NTN1: variants seen among roughly 807,000 people sequenced by gnomAD.
NTN1 encodes netrin-1.
In NTN1, 11 loss-of-function variants were observed where a neutral mutation model predicts 54.2. The ratio of observed to expected loss-of-function variants is 0.20; its 90% CI spans 0.13 to 0.34. The LOEUF is 0.34. Among genes scored for constraint, NTN1 ranks in the 10% least tolerant of loss-of-function variants. NTN1 has a pLI of 1.00. For synonymous variants in NTN1, 371 were observed against 382.0 expected, an observed-to-expected ratio of 0.97 and a Z score of 0.33; for missense variants, 740 against 893.1, an observed-to-expected ratio of 0.83 and a Z score of 2.18.
intron 2 of NTN1, among the ~76,000 whole-genome samples, chr17:9,156,621 G>A (rs936593499): frequency 1.3e-5 from 2 of 152,212 alleles, no homozygotes; most frequent in African/African-American, 4.8e-5. Context: ...CAAAAACAAT[G>A]GATGCAGATT....
At chr17:9,018,816 T>C (rs188967306), upstream of NTN1, among the ~76,000 whole-genome samples, 431 of 152,252 alleles carry the variant, frequency 2.8e-3, 10 homozygotes, top group Non-Finnish European at 6.0e-4. Context: ...TGCGATGCCA[T>C]CAGCTTACAT....
At chr17:9,078,118 C>T (rs1329017409) in intron 2 of NTN1, among the ~76,000 whole-genome samples, 3 of 152,180 alleles carry the variant, frequency 2.0e-5, no homozygotes, top group Admixed American at 6.5e-5. Context: ...CTAAGATTTA[C>T]TGAGCCTTGT....
intron 2 of NTN1, among the ~76,000 whole-genome samples, chr17:9,104,164 A>C (rs1488470373): frequency 6.6e-6 from 1 of 151,080 alleles, no homozygotes; most frequent in East Asian, 1.9e-4. Flanking sequence ...AGTCCAGTTC[A>C]TACAGACAGA....
chr17:9,183,599 C>T (rs1399147767), intron 5 of NTN1: 11 of 268,848 alleles, frequency 4.1e-5, no homozygotes, highest in South Asian at 1.5e-4. Context: ...CTTCTCAAAA[C>T]GACAGAAGTT....
chr17:9,225,937 C>T (rs1004802788), intron 6 of NTN1, among the ~76,000 whole-genome samples: 13 of 152,226 alleles, frequency 8.5e-5, no homozygotes, highest in Non-Finnish European at 1.6e-4. Context: ...CTCCAGGCCT[C>T]GCAGACCTTG....
chr17:9,066,404 G>A (rs375005431), intron 2 of NTN1, among the ~76,000 whole-genome samples: 33 of 151,982 alleles, frequency 2.2e-4, no homozygotes, highest in Non-Finnish European at 3.4e-4. Context: ...TGAGGTGGGC[G>A]GATCACAAGG....
At chr17:9,108,320 A>G (rs547634199) in intron 2 of NTN1, among the ~76,000 whole-genome samples, 4 of 152,254 alleles carry the variant, frequency 2.6e-5, no homozygotes, top group African/African-American at 9.6e-5. Flanking sequence ...CCACAGAACC[A>G]TAGCTCTGGC....
intron 6 of NTN1, among the ~76,000 whole-genome samples, chr17:9,237,891 C>T (rs907428578): frequency 6.6e-6 from 1 of 152,122 alleles, no homozygotes; most frequent in Admixed American, 6.5e-5. Context: ...CCCTTGGTGA[C>T]AAAAACATGG....
At chr17:9,028,388 T>A (rs2091878106) in intron 2 of NTN1, among the ~76,000 whole-genome samples, 1 of 152,074 alleles carries the variant, frequency 6.6e-6, no homozygotes, top group South Asian at 2.1e-4. Flanking sequence ...TAGCACCTGG[T>A]GATCAGGAAC....
intron 5 of NTN1, among the ~76,000 whole-genome samples, chr17:9,215,023 T>C (rs1008657832): frequency 6.6e-5 from 10 of 152,168 alleles, no homozygotes; most frequent in African/African-American, 2.2e-4. Context: ...ACCTATAATT[T>C]ATATCGTTTT....
chr17:9,040,176 A>T (rs1348640047), intron 2 of NTN1, among the ~76,000 whole-genome samples: 2 of 152,196 alleles, frequency 1.3e-5, no homozygotes, highest in African/African-American at 4.8e-5. Flanking sequence ...TCTTTTAGAA[A>T]TTTTAGCCAT....
intron 2 of NTN1, among the ~76,000 whole-genome samples, chr17:9,094,641 T>G (rs1027506043): frequency 1.3e-4 from 20 of 152,120 alleles, no homozygotes; most frequent in African/African-American, 4.6e-4. Context: ...CTCTGTAACC[T>G]CACTGAGGCT....
At chr17:9,116,143 C>T (rs1236350343) in intron 2 of NTN1, among the ~76,000 whole-genome samples, 5 of 152,242 alleles carry the variant, frequency 3.3e-5, no homozygotes, top group South Asian at 2.1e-4. Context: ...CCTGGAGGAG[C>T]GGCTGTGGGC....
rs550414456 is a variant in NTN1 at position 9,077,019 on chromosome 17, C to T, written c.1018+53628C>T. 5.3e-4 allele frequency among the ~76,000 whole-genome samples: 80 copies of T among 152,280 alleles called. 1 individual carries two copies. In the South Asian group the frequency reaches 0.016, roughly 30 times the overall value. On this transcript the variant is annotated intron_variant, in intron 2 of 6. Transcript: ENST00000173229. ...TCCTTCCTGGAAATGTTTCCCACCC[C>T]GTTCTGTAGCAGGTAATCATCAGAC...
At chr17:9,189,748 G>T (rs7211898) in intron 5 of NTN1, among the ~76,000 whole-genome samples, 136,109 of 152,048 alleles carry the variant, frequency 0.9, 60,989 homozygotes, top group East Asian at 1. Context: ...ATCCACTGAG[G>T]GGTGACCTGA....
chr17:9,109,196 C>CT (rs961003182), intron 2 of NTN1, among the ~76,000 whole-genome samples: 3 of 152,078 alleles, frequency 2.0e-5, no homozygotes, highest in Non-Finnish European at 4.4e-5. Flanking sequence ...TCTTTTTGAC[C>CT]TTTTTTTAAA....
At chr17:9,220,106 T>A (rs923971373) in intron 5 of NTN1, among the ~76,000 whole-genome samples, 4 of 152,214 alleles carry the variant, frequency 2.6e-5, no homozygotes, top group Admixed American at 2.0e-4. Flanking sequence ...TGAGGGGGAA[T>A]CTGTCAGAGT....
upstream of NTN1, among the ~76,000 whole-genome samples, chr17:9,017,806 A>C (rs926009623): frequency 6.6e-6 from 1 of 152,126 alleles, no homozygotes; most frequent in East Asian, 1.9e-4. Context: ...CGACACTTGG[A>C]CATCTGTTTT....
chr17:9,117,781 A>AAC (rs2092219108), intron 2 of NTN1, among the ~76,000 whole-genome samples: 3 of 150,898 alleles, frequency 2.0e-5, no homozygotes, highest in African/African-American at 7.3e-5. Flanking sequence ...CAAAAAAAAA[A>AAC]AAAAAACAAG....
Sources: gnomAD v4.1 joint callset for allele counts (sites outside exome capture counted in the v4.1 genomes callset) on GRCh38, gnomAD v4.1.1 for gene constraint, MANE v1.5 for transcripts, NCBI Gene and HGNC (gene_info 2026-07-23, HGNC 2026-07-21) for gene names.